The following AFF3 variants were observed in gnomAD, a reference collection of about 807,000 sequenced individuals.
The protein encoded by AFF3 is ALF transcription elongation factor 3.
Under a neutral mutation model 129.7 loss-of-function variants are expected in AFF3, and 32 were observed. The observed-to-expected ratio is 0.25, with a 90% CI of 0.19 to 0.33. The LOEUF is 0.33. Among genes scored for constraint, AFF3 ranks in the 10% least tolerant of loss-of-function variants. AFF3 has a pLI of 1.00. For synonymous variants in AFF3, 644 were observed against 635.4 expected (o/e 1.01, Z -0.20); for missense variants, 1,373 against 1,592.0 (o/e 0.86, Z 2.34).
At chr2:100,001,182 C>T (rs969325003) in intron 7 of AFF3, among the ~76,000 whole-genome samples, 1 of 152,184 alleles carries the variant, frequency 6.6e-6, no homozygotes, top group Non-Finnish European at 1.5e-5. Context: ...AATAATCTCC[C>T]TCCAGGTCCC....
At chr2:100,024,654 G>C (rs1467861048) in intron 4 of AFF3, among the ~76,000 whole-genome samples, 1 of 151,660 alleles carries the variant, frequency 6.6e-6, no homozygotes, top group East Asian at 1.9e-4. Context: ...AAAAATAATT[G>C]TAAAACCAAT....
At chr2:99,711,571 G>A (rs1677894554) in intron 11 of AFF3, among the ~76,000 whole-genome samples, 1 of 152,232 alleles carries the variant, frequency 6.6e-6, no homozygotes, top group Non-Finnish European at 1.5e-5. Context: ...AAATATGCAA[G>A]CTTGGCATTT....
At chr2:99,617,724 TGTTTAAATATA>T (rs770109601) in intron 13 of AFF3, among the ~76,000 whole-genome samples, 1 of 152,238 alleles carries the variant, frequency 6.6e-6, no homozygotes, top group Non-Finnish European at 1.5e-5. Flanking sequence ...TAGTAACAGA[TGTTTAAATATA>T]TAGGATTCTT....
intron 8 of AFF3, among the ~76,000 whole-genome samples, chr2:99,807,969 C>T (rs1229966714): frequency 1.3e-5 from 2 of 152,182 alleles, no homozygotes; most frequent in East Asian, 1.9e-4. Flanking sequence ...CTGTCAATCT[C>T]ATCTGTTCAT....
chr2:99,911,900 C>T (rs1433288390), intron 7 of AFF3, among the ~76,000 whole-genome samples: 2 of 152,154 alleles, frequency 1.3e-5, no homozygotes, highest in African/African-American at 4.8e-5. Context: ...AAAGGTTAAC[C>T]TCCCTGGTGA....
chr2:99,746,158 G>T (rs1009865868), intron 9 of AFF3, among the ~76,000 whole-genome samples: 6 of 148,388 alleles, frequency 4.0e-5, no homozygotes, highest in Non-Finnish European at 7.4e-5. Flanking sequence ...ACTTACACAA[G>T]AATGCGTGAA....
chr2:100,048,391 G>C (rs1411076573), intron 4 of AFF3, among the ~76,000 whole-genome samples: 1 of 152,192 alleles, frequency 6.6e-6, no homozygotes, highest in Non-Finnish European at 1.5e-5. Flanking sequence ...TAGTGGAGCA[G>C]CTCTCCGTGA....
chr2:99,984,550 A>C (rs1679689385), intron 7 of AFF3, among the ~76,000 whole-genome samples: 1 of 152,222 alleles, frequency 6.6e-6, no homozygotes, highest in South Asian at 2.1e-4. Flanking sequence ...AGGATCAAAA[A>C]CATGCTACAG....
At chr2:100,105,118 C>G (rs1264997916) in intron 3 of AFF3, 2 of 168,312 alleles carry the variant, frequency 1.2e-5, no homozygotes, top group Non-Finnish European at 2.4e-5. Flanking sequence ...GGATGCGGAG[C>G]CGTGCCCGGC....
At chr2:99,915,675 G>A (rs1487451346) in intron 7 of AFF3, among the ~76,000 whole-genome samples, 1 of 151,516 alleles carries the variant, frequency 6.6e-6, no homozygotes, top group Non-Finnish European at 1.5e-5. Flanking sequence ...CTTTGCACTG[G>A]GCCCCATGAA....
intron 13 of AFF3, among the ~76,000 whole-genome samples, chr2:99,611,285 G>A (rs1680894935): frequency 6.6e-6 from 1 of 152,124 alleles, no homozygotes; most frequent in Admixed American, 6.5e-5. Context: ...TACAACATCT[G>A]TGTTGGTCTC....
chr2:99,813,050 A>G (rs1196461877), intron 8 of AFF3, among the ~76,000 whole-genome samples: 2 of 152,210 alleles, frequency 1.3e-5, no homozygotes, highest in African/African-American at 4.8e-5. Flanking sequence ...AAAAAAGATA[A>G]TCAGGAAATA....
chr2:100,088,842 C>T (rs116613284), intron 4 of AFF3, among the ~76,000 whole-genome samples: 2,119 of 152,308 alleles, frequency 0.014, 44 homozygotes, highest in Non-Finnish European at 0.015. Flanking sequence ...TGGCCAGTCT[C>T]GTAAAGATTT....
At chr2:99,794,501 T>G (rs1685426459) in intron 8 of AFF3, among the ~76,000 whole-genome samples, 1 of 152,206 alleles carries the variant, frequency 6.6e-6, no homozygotes, top group Non-Finnish European at 1.5e-5. Flanking sequence ...ATGTGAGTTC[T>G]GGGGATTGTT....
chr2:99,835,122 G>A (rs1005933072), intron 8 of AFF3, among the ~76,000 whole-genome samples: 4 of 152,012 alleles, frequency 2.6e-5, no homozygotes, highest in African/African-American at 9.7e-5. Flanking sequence ...AGCATCTCTG[G>A]GCTGGACTCC....
intron 7 of AFF3, among the ~76,000 whole-genome samples, chr2:99,973,655 A>G (rs142143219): frequency 1.5e-3 from 232 of 151,760 alleles, no homozygotes; most frequent in African/African-American, 5.3e-3. Flanking sequence ...CTAATTTTCA[A>G]TGTTTTCCCC....
At chr2:100,040,598 G>A (rs1685338725) in intron 4 of AFF3, among the ~76,000 whole-genome samples, 2 of 152,152 alleles carry the variant, frequency 1.3e-5, no homozygotes, top group African/African-American at 2.4e-5. Flanking sequence ...GGATGTTGAA[G>A]GAGCGACCAG....
At position 99,676,723 on chromosome 2, in the gene AFF3, G is replaced by C. The variant is rs138123742; in HGVS notation, c.1092-4134C>G. On this transcript the variant is annotated intron_variant, in intron 11 of 24. Coordinates refer to ENST00000672756, the MANE Select transcript of AFF3 (RefSeq NM_001386135.1). Reference sequence around the variant, plus strand: ...AACAGGGCCATTTGCTCTATTTTCAGGCCATTTTGAAAAGAAAGGGTCATG... The same window carrying C: ...AACAGGGCCATTTGCTCTATTTTCACGCCATTTTGAAAAGAAAGGGTCATG... Among the ~76,000 whole-genome samples the C allele has an allele frequency of 8.5e-4, 129 of 152,262 alleles. 1 individual carries two copies. The highest frequency in any genetic ancestry group is 3.0e-3 in the African/African-American group (123 of 41,554).
intron 2 of AFF3, among the ~76,000 whole-genome samples, chr2:100,122,100 A>G (rs1194203617): frequency 2.0e-5 from 3 of 152,200 alleles, no homozygotes; most frequent in Admixed American, 6.5e-5. Context: ...AAAAATAACA[A>G]GCATATGCTA....
Sources: allele counts gnomAD v4.1 joint callset (sites outside exome capture counted in the v4.1 genomes callset), GRCh38; gene constraint gnomAD v4.1.1; transcripts MANE v1.5; gene names NCBI Gene and HGNC (gene_info 2026-07-23, HGNC 2026-07-21).